The following ERC1 variants were observed in gnomAD, a reference collection of about 807,000 sequenced individuals.
ERC1 encodes RAB6 interacting protein 2.
ERC1 carries 56 observed loss-of-function variants against 132.0 expected under a neutral mutation model. That is an observed-to-expected ratio of 0.42 (90% CI 0.34 to 0.53). The LOEUF (loss-of-function observed/expected upper bound fraction) is 0.53, where lower values mean the gene tolerates loss of function less well. Ranked by LOEUF, ERC1 falls within the 20% of genes least tolerant of loss-of-function variation. The pLI is 0.03. For missense variants in ERC1, 1,202 were observed against 1,349.9 expected (o/e 0.89, Z 1.72); for synonymous variants, 478 against 476.1 (o/e 1.00, Z -0.05).
chr12:1,248,424 C>T (rs1230343442), intron 13 of ERC1, among the ~76,000 whole-genome samples: 2 of 151,986 alleles, frequency 1.3e-5, no homozygotes, highest in African/African-American at 2.4e-5. Context: ...TTTTGGGCAA[C>T]AAATTTAGGT....
intron 15 of ERC1, among the ~76,000 whole-genome samples, chr12:1,338,046 G>A (rs1463935705): frequency 6.6e-6 from 1 of 152,068 alleles, no homozygotes; most frequent in Non-Finnish European, 1.5e-5. Flanking sequence ...ATCTCATTGG[G>A]GTTCTCTGCA....
chr12:1,073,746 G>A (rs1940846283), intron 2 of ERC1, among the ~76,000 whole-genome samples: 1 of 152,142 alleles, frequency 6.6e-6, no homozygotes, highest in Non-Finnish European at 1.5e-5. Flanking sequence ...GTATATAATT[G>A]TATGTACCAC....
At chr12:1,323,335 T>C (rs11061699) in intron 15 of ERC1, among the ~76,000 whole-genome samples, 52,173 of 152,062 alleles carry the variant, frequency 0.34, 9,138 homozygotes, top group Middle Eastern at 0.44. Context: ...CTTTGAATAT[T>C]AGCTTTCCTG....
chr12:1,292,352 G>T (rs1451631508), intron 15 of ERC1, among the ~76,000 whole-genome samples: 2 of 152,138 alleles, frequency 1.3e-5, no homozygotes, highest in African/African-American at 2.4e-5. Context: ...GTCATTCAAA[G>T]AATGAAACCA....
chr12:1,241,734 T>TA (rs1420032763), intron 13 of ERC1, among the ~76,000 whole-genome samples: 52 of 152,136 alleles, frequency 3.4e-4, no homozygotes, highest in South Asian at 8.3e-4. Context: ...AGGTATTCTT[T>TA]AAAAAAATTT....
intron 1 of ERC1, among the ~76,000 whole-genome samples, chr12:1,011,156 C>T (rs1964620742): frequency 6.6e-6 from 1 of 152,168 alleles, no homozygotes; most frequent in South Asian, 2.1e-4. Flanking sequence ...CCTGGAATTA[C>T]AGTGGCTCTC....
At chr12:1,272,431 A>G (rs1213331874) in intron 14 of ERC1, among the ~76,000 whole-genome samples, 1 of 152,186 alleles carries the variant, frequency 6.6e-6, no homozygotes, top group Non-Finnish European at 1.5e-5. Context: ...TCAAGTGTTA[A>G]TACTGTGACT....
chr12:990,282 C>T (rs1592511937), upstream of ERC1: 1 of 152,128 alleles, frequency 6.6e-6, no homozygotes, highest in East Asian at 1.9e-4. Context: ...TCACACCATT[C>T]TTACTTTCTT....
chr12:1,437,490 C>A (rs2092982056), intron 17 of ERC1, among the ~76,000 whole-genome samples: 1 of 152,168 alleles, frequency 6.6e-6, no homozygotes, highest in Non-Finnish European at 1.5e-5. Flanking sequence ...ATATGCTCAG[C>A]CAGAGATGTC....
intron 2 of ERC1, among the ~76,000 whole-genome samples, chr12:1,040,392 C>T (rs922416406): frequency 6.6e-5 from 10 of 150,558 alleles, no homozygotes; most frequent in East Asian, 2.0e-4. Flanking sequence ...CGCAATACTC[C>T]GCCTCCCGAG....
At chr12:1,215,497 A>G (rs374911934) in intron 12 of ERC1, among the ~76,000 whole-genome samples, 7 of 152,318 alleles carry the variant, frequency 4.6e-5, no homozygotes, top group African/African-American at 9.6e-5. Context: ...TGGGAACTCT[A>G]GATCTAATAT....
At chr12:1,340,136 G>C (rs1321403747) in intron 15 of ERC1, among the ~76,000 whole-genome samples, 1 of 152,142 alleles carries the variant, frequency 6.6e-6, no homozygotes, top group African/African-American at 2.4e-5. Context: ...CCCCAGCACA[G>C]GAGCTATAAT....
chr12:1,400,908 A>ATTTTTTTTTTTTTTTTTTTTTTTTTTTTT (rs2090967822), intron 16 of ERC1, among the ~76,000 whole-genome samples: 1 of 43,400 alleles, frequency 2.3e-5, no homozygotes, highest in African/African-American at 6.7e-5. Context: ...TGTTTTGGCT[A>ATTTTTTTTTTTTTTTTTTTTTTTTTTTTT]TTTTTGTATT....
At chr12:1,199,314 CAT>C in intron 12 of ERC1, among the ~76,000 whole-genome samples, 1 of 152,378 alleles carries the variant, frequency 6.6e-6, no homozygotes, top group South Asian at 2.1e-4. Flanking sequence ...TGGGTGGGGA[CAT>C]AGAGCCAAAC....
At chr12:1,180,421 A>G (rs780126774) in intron 8 of ERC1, 119 bp from the exon 9 acceptor site, 11 of 811,010 alleles carry the variant, frequency 1.4e-5, no homozygotes, top group African/African-American at 3.5e-5. Flanking sequence ...TGATTTCTAC[A>G]GAATGCACAC....
chr12:1,261,572 G>A (rs921125711), intron 13 of ERC1, among the ~76,000 whole-genome samples: 3 of 152,140 alleles, frequency 2.0e-5, no homozygotes, highest in African/African-American at 7.2e-5. Flanking sequence ...CCTTGTCTCT[G>A]CGCGCGGCGT....
intron 18 of ERC1, among the ~76,000 whole-genome samples, chr12:1,487,189 C>T (rs2094233552): frequency 2.6e-5 from 4 of 152,108 alleles, no homozygotes; most frequent in Admixed American, 6.6e-5. Flanking sequence ...ACCAAGGCCG[C>T]GTGGTCTAAA....
At chr12:1,304,241 G>A (rs564365383) in intron 15 of ERC1, among the ~76,000 whole-genome samples, 9 of 152,324 alleles carry the variant, frequency 5.9e-5, no homozygotes, top group Non-Finnish European at 1.3e-4. Context: ...CTGACCAGAT[G>A]TACTGGCATT....
intron 18 of ERC1, among the ~76,000 whole-genome samples, chr12:1,447,796 C>T (rs774394853): frequency 3.3e-5 from 5 of 151,768 alleles, no homozygotes; most frequent in East Asian, 2.0e-4. Context: ...ACTACAGGCG[C>T]GCGCCACCGT....
Sources: gnomAD v4.1 joint callset for allele counts (sites outside exome capture counted in the v4.1 genomes callset) on GRCh38, gnomAD v4.1.1 for gene constraint, MANE v1.5 for transcripts, NCBI Gene and HGNC (gene_info 2026-07-23, HGNC 2026-07-21) for gene names.